The following ARID4B variants were observed in gnomAD, a reference collection of about 807,000 sequenced individuals.
The protein encoded by ARID4B is AT-rich interactive domain-containing protein 4B.
A neutral mutation model predicts 147.5 loss-of-function variants in ARID4B; 26 were observed. The ratio of observed to expected loss-of-function variants is 0.18; its 90% CI spans 0.13 to 0.24. The LOEUF is 0.24. Ranked by LOEUF, ARID4B falls within the 10% of genes least tolerant of loss-of-function variation. The pLI is 1.00. For synonymous variants in ARID4B, 512 were observed against 507.9 expected (o/e 1.01, Z -0.11); for missense variants, 1,179 against 1,511.5 (o/e 0.78, Z 3.65).
At chr1:235,223,684 C>CG (rs149769753) in intron 12 of ARID4B, among the ~76,000 whole-genome samples, 1 of 117,144 alleles carries the variant, frequency 8.5e-6, no homozygotes, top group African/African-American at 3.4e-5. Flanking sequence ...AGTAAAGCTA[C>CG]ATTTTTTTTT....
chr1:235,283,130 A>G (rs1671770842), intron 2 of ARID4B, among the ~76,000 whole-genome samples: 1 of 152,242 alleles, frequency 6.6e-6, no homozygotes, highest in South Asian at 2.1e-4. Flanking sequence ...TTTAAAACAC[A>G]TTCATTTTCA....
intron 1 of ARID4B, 66 bp from the exon 2 acceptor site, chr1:235,327,034 G>C: frequency 8.6e-7 from 1 of 1,162,836 alleles, no homozygotes; most frequent in Non-Finnish European, 1.3e-6. Context: ...CGGAGGCGGA[G>C]GGAAAGAAGC....
At chr1:235,312,641 A>AC (rs1674139460) in intron 2 of ARID4B, among the ~76,000 whole-genome samples, 1 of 152,132 alleles carries the variant, frequency 6.6e-6, no homozygotes, top group African/African-American at 2.4e-5. Flanking sequence ...CCTTTAAAAA[A>AC]AACAACAACA....
chr1:235,257,432 A>C (rs766179415), intron 3 of ARID4B, among the ~76,000 whole-genome samples: 6 of 152,116 alleles, frequency 3.9e-5, no homozygotes, highest in Non-Finnish European at 7.4e-5. Context: ...AAAGTAATCA[A>C]TGATAGCACA....
At chr1:235,179,540 A>C (rs1404934903) in intron 20 of ARID4B, among the ~76,000 whole-genome samples, 1 of 110,580 alleles carries the variant, frequency 9.0e-6, no homozygotes, top group African/African-American at 4.2e-5. Context: ...AAAAAAAAAA[A>C]AAAAAAAAAA....
intron 2 of ARID4B, among the ~76,000 whole-genome samples, chr1:235,277,156 A>T (rs1426772724): frequency 6.6e-6 from 1 of 152,252 alleles, no homozygotes; most frequent in Non-Finnish European, 1.5e-5. Flanking sequence ...TGAGGTGAGA[A>T]GATCACTTGA....
At chr1:235,225,746 T>C (rs1482338773) in intron 11 of ARID4B, among the ~76,000 whole-genome samples, 1 of 152,174 alleles carries the variant, frequency 6.6e-6, no homozygotes, top group Non-Finnish European at 1.5e-5. Flanking sequence ...AATAAAAACA[T>C]AGCATTTTTC....
At chr1:235,319,254 T>C (rs1307824212) in intron 2 of ARID4B, among the ~76,000 whole-genome samples, 2 of 152,244 alleles carry the variant, frequency 1.3e-5, no homozygotes, top group African/African-American at 4.8e-5. Context: ...CGGTGGCTCA[T>C]GCCTGTAATC....
chr1:235,238,941 CAT>C (rs1285235793), intron 8 of ARID4B, among the ~76,000 whole-genome samples: 1 of 149,978 alleles, frequency 6.7e-6, no homozygotes, highest in African/African-American at 2.4e-5. Context: ...ACAATTCAGA[CAT>C]ATCAAAATTT....
chr1:235,299,865 C>T (rs899529336), intron 2 of ARID4B, among the ~76,000 whole-genome samples: 10 of 152,124 alleles, frequency 6.6e-5, no homozygotes, highest in Admixed American at 2.0e-4. Flanking sequence ...AATTTTTAAA[C>T]GTATGATGCA....
At chr1:235,309,132 G>A (rs1356170172) in intron 2 of ARID4B, among the ~76,000 whole-genome samples, 6 of 143,884 alleles carry the variant, frequency 4.2e-5, no homozygotes, top group Admixed American at 6.9e-5. Context: ...CCGCCGCCCC[G>A]TCTGGGATGT....
chr1:235,185,005 T>G (rs956840768), intron 19 of ARID4B, among the ~76,000 whole-genome samples: 1 of 152,132 alleles, frequency 6.6e-6, no homozygotes, highest in Admixed American at 6.5e-5. Context: ...TTAGTAGAGA[T>G]GAAGTTTCAT....
At chr1:235,225,798 A>G (rs1667790917) in intron 11 of ARID4B, among the ~76,000 whole-genome samples, 1 of 152,200 alleles carries the variant, frequency 6.6e-6, no homozygotes, top group South Asian at 2.1e-4. Context: ...CTTTAGCGAG[A>G]TTGTCTTTTT....
At chr1:235,223,686 T>TTTTTTTG (rs1553296093) in intron 12 of ARID4B, among the ~76,000 whole-genome samples, 4 of 65,844 alleles carry the variant, frequency 6.1e-5, no homozygotes, top group African/African-American at 3.1e-4. Context: ...TAAAGCTACA[T>TTTTTTTG]TTTTTTTTTT....
intron 16 of ARID4B, among the ~76,000 whole-genome samples, chr1:235,215,579 G>GTGTA (rs1667015860): frequency 6.9e-6 from 1 of 144,700 alleles, no homozygotes; most frequent in Non-Finnish European, 1.5e-5. Flanking sequence ...GTGTGTGTGT[G>GTGTA]TATATATTTT....
At chr1:235,322,277 C>T (rs1674896508) in intron 2 of ARID4B, among the ~76,000 whole-genome samples, 1 of 152,120 alleles carries the variant, frequency 6.6e-6, no homozygotes, top group African/African-American at 2.4e-5. Flanking sequence ...GCCTCAACCT[C>T]CCAAAGTGCT....
At chr1:235,187,057 CTTTTTCACTGCATCTTATTCTTTT>C (rs1664735809) in intron 19 of ARID4B, 1 of 355,168 alleles carries the variant, frequency 2.8e-6, no homozygotes, top group African/African-American at 2.4e-5. Context: ...TTATTCTTTT[CTTTTTCACTGCATCTTATTCTTTT>C]TTTTTTTTTT....
chr1:235,205,426 T>G (rs1666242454), intron 17 of ARID4B, among the ~76,000 whole-genome samples: 1 of 152,220 alleles, frequency 6.6e-6, no homozygotes, highest in Non-Finnish European at 1.5e-5. Context: ...AGATGAGCTC[T>G]TTATGTAACC....
chr1:235,304,356 A>C (rs567397444), intron 2 of ARID4B, among the ~76,000 whole-genome samples: 1 of 152,084 alleles, frequency 6.6e-6, no homozygotes, highest in Middle Eastern at 3.4e-3. Flanking sequence ...CCGAAAATAA[A>C]AAAAAAGAAA....
Sources: allele counts gnomAD v4.1 joint callset (sites outside exome capture counted in the v4.1 genomes callset), GRCh38; gene constraint gnomAD v4.1.1; transcripts MANE v1.5; gene names NCBI Gene and HGNC (gene_info 2026-07-23, HGNC 2026-07-21).